HS6ST2: variants seen among roughly 807,000 people sequenced by gnomAD.
The protein encoded by HS6ST2 is heparan-sulfate 6-O-sulfotransferase 2.
Under a neutral mutation model 33.0 loss-of-function variants are expected in HS6ST2, and 17 were observed. The ratio of observed to expected loss-of-function variants is 0.52; its 90% CI spans 0.35 to 0.77. The LOEUF is 0.77. Among genes scored for constraint, HS6ST2 ranks in the 30% least tolerant of loss-of-function variants. The pLI is 0.01. For missense variants in HS6ST2, 519 were observed against 551.7 expected, an observed-to-expected ratio of 0.94 and a Z score of 0.59; for synonymous variants, 248 against 237.1, an observed-to-expected ratio of 1.05 and a Z score of -0.42.
chrX:132,850,719 A>G (rs1407571394), intron 2 of HS6ST2, among the ~76,000 whole-genome samples: 1 of 78,508 alleles, frequency 1.3e-5, no homozygotes, highest in South Asian at 5.8e-4. Context: ...AGAAAATGCT[A>G]TTTTCTACAT....
chrX:132,839,351 G>A lies in HS6ST2; in HGVS notation c.947+117457C>T, dbSNP rs1157069478. Among the ~76,000 whole-genome samples the A allele has an allele frequency of 4.1e-5, 4 of 97,633 alleles. No individual in the cohort carries two copies. The Admixed American group carries it at 4.7e-4, about 12-fold the overall frequency. The allele number at this position is 97,633 out of a possible 115,157, so 84.8% of individuals were successfully genotyped here. ...GTATGTATATACACACACACACCGT[G>A]GCATACTATGCAACCATAAAAAAGA... On this transcript the variant is annotated intron_variant, in intron 2 of 4. Coordinates refer to ENST00000370833, the MANE Select transcript of HS6ST2 (RefSeq NM_001394073.1).
At chrX:132,888,484 A>G (rs774506939) in intron 2 of HS6ST2, among the ~76,000 whole-genome samples, 5 of 111,867 alleles carry the variant, frequency 4.5e-5, no homozygotes, top group Non-Finnish European at 9.4e-5. Flanking sequence ...TGAGAGTTAC[A>G]ATTCAAGATG....
At chrX:132,723,602 A>G (rs1159250330) in intron 2 of HS6ST2, among the ~76,000 whole-genome samples, 1 of 111,995 alleles carries the variant, frequency 8.9e-6, no homozygotes, top group Non-Finnish European at 1.9e-5. Flanking sequence ...CGCTGAAAAC[A>G]CATCTCATAA....
chrX:132,637,861 AAT>A (rs1491101179), intron 4 of HS6ST2, among the ~76,000 whole-genome samples: 8 of 34,857 alleles, frequency 2.3e-4, no homozygotes, highest in East Asian at 8.1e-4. Context: ...ATATATATAT[AAT>A]ATATTATATA....
chrX:132,841,302 T>G (rs143233454), intron 2 of HS6ST2, among the ~76,000 whole-genome samples: 2,377 of 111,414 alleles, frequency 0.021, 25 homozygotes, highest in Non-Finnish European at 0.033. Context: ...TACATATTGC[T>G]TAGTTGCTGC....
At chrX:132,887,043 G>A (rs932049852) in intron 2 of HS6ST2, among the ~76,000 whole-genome samples, 7 of 110,573 alleles carry the variant, frequency 6.3e-5, no homozygotes, top group African/African-American at 1.7e-4. Flanking sequence ...GCTGAGGCAG[G>A]AGAATTGCTT....
At chrX:132,743,258 C>G (rs1053347149) in intron 2 of HS6ST2, among the ~76,000 whole-genome samples, 3 of 112,051 alleles carry the variant, frequency 2.7e-5, no homozygotes, top group African/African-American at 9.7e-5. Flanking sequence ...CACAGCAGGC[C>G]TTACAATAGG....
chrX:132,652,213 T>A (rs2148183491), intron 4 of HS6ST2, among the ~76,000 whole-genome samples: 1 of 111,691 alleles, frequency 9.0e-6, no homozygotes, highest in African/African-American at 3.3e-5. Context: ...CCAGCTCTAA[T>A]GATTCAATCT....
Position 132,708,733 on chromosome X carries a change from T to G in HS6ST2, c.948-239A>C, listed in dbSNP as rs965828002. The G allele has an allele frequency of 8.0e-5, 24 of 300,617 alleles. 1 individual carries two copies. In the Admixed American group the frequency reaches 1.2e-3, roughly 14 times the overall value. The allele number at this position is 300,617 out of a possible 1,213,427, so 24.8% of individuals were successfully genotyped here. A position where few individuals can be genotyped will look rare whatever the true frequency, so the allele number is the denominator to read the frequency against. On this transcript the variant is annotated intron_variant, in intron 2 of 4. Transcript: ENST00000370833. ...TGCACTGAGAGCCAGATCCCTGGAGTGCTGTGGTCTGGGAATGATGGATCT... is the reference window on the plus strand; with the variant it reads ...TGCACTGAGAGCCAGATCCCTGGAGGGCTGTGGTCTGGGAATGATGGATCT...
chrX:132,796,945 T>C (rs763720310), intron 2 of HS6ST2, among the ~76,000 whole-genome samples: 2 of 111,934 alleles, frequency 1.8e-5, no homozygotes, highest in South Asian at 3.8e-4. Flanking sequence ...GCTAAAATCA[T>C]ATAAAGGAAA....
At chrX:132,927,858 G>GAAAAAAA (rs752332242) in intron 2 of HS6ST2, among the ~76,000 whole-genome samples, 2 of 52,027 alleles carry the variant, frequency 3.8e-5, no homozygotes, top group African/African-American at 7.7e-5. Context: ...CCCTGTCTCA[G>GAAAAAAA]AAAAAAAAAA....
chrX:132,740,128 A>G, intron 2 of HS6ST2, among the ~76,000 whole-genome samples: 1 of 112,146 alleles, frequency 8.9e-6, no homozygotes, highest in Non-Finnish European at 1.9e-5. Context: ...AGTGTAGAAA[A>G]ACAACCATTT....
At chrX:132,676,339 G>A (rs1395885900) in intron 3 of HS6ST2, among the ~76,000 whole-genome samples, 1 of 112,047 alleles carries the variant, frequency 8.9e-6, no homozygotes, top group Non-Finnish European at 1.9e-5. Context: ...GAGAAGGCAA[G>A]CATGTTAACA....
At chrX:132,932,140 T>C (rs754233666) in intron 2 of HS6ST2, among the ~76,000 whole-genome samples, 1 of 102,551 alleles carries the variant, frequency 9.8e-6, no homozygotes, top group South Asian at 4.8e-4. Context: ...GAACCGAGAT[T>C]GCGCCACTGC....
chrX:132,776,259 G>A (rs1235964390), intron 2 of HS6ST2, among the ~76,000 whole-genome samples: 1 of 112,099 alleles, frequency 8.9e-6, no homozygotes, highest in East Asian at 2.8e-4. Flanking sequence ...CAGTTGCAAA[G>A]AGAGCTGTCT....
At chrX:132,842,914 C>A (rs2065720363) in intron 2 of HS6ST2, among the ~76,000 whole-genome samples, 1 of 112,249 alleles carries the variant, frequency 8.9e-6, no homozygotes, top group Non-Finnish European at 1.9e-5. Flanking sequence ...AGAAACCATT[C>A]TATTTCTCCA....
chrX:132,740,732 G>T lies in HS6ST2; in HGVS notation c.948-32238C>A, dbSNP rs1341634426. Among the ~76,000 whole-genome samples the T allele has an allele frequency of 5.4e-5, 6 of 110,195 alleles. No homozygotes were observed. The Admixed American group carries it at 5.8e-4, about 11-fold the overall frequency. Reference sequence around the variant, plus strand: ...ACCACTGGATGGCAATCCTCTATTGGTTAGGTAAAAAGCTCCTACCTGCCA... The same window carrying T: ...ACCACTGGATGGCAATCCTCTATTGTTTAGGTAAAAAGCTCCTACCTGCCA... On this transcript the variant is annotated intron_variant, in intron 2 of 4. Transcript: ENST00000370833.
intron 2 of HS6ST2, among the ~76,000 whole-genome samples, chrX:132,708,863 T>C (rs1323638864): frequency 8.9e-6 from 1 of 112,097 alleles, no homozygotes; most frequent in Non-Finnish European, 1.9e-5. Flanking sequence ...CCCAACCCTG[T>C]GGCATCACTG....
At chrX:132,911,092 T>C (rs774276283) in intron 2 of HS6ST2, among the ~76,000 whole-genome samples, 3 of 108,330 alleles carry the variant, frequency 2.8e-5, no homozygotes, top group Admixed American at 9.9e-5. Context: ...AGAGGTTGCA[T>C]TGAGCTGAGA....
Sources: allele counts gnomAD v4.1 joint callset (sites outside exome capture counted in the v4.1 genomes callset), GRCh38; gene constraint gnomAD v4.1.1; transcripts MANE v1.5; gene names NCBI Gene and HGNC (gene_info 2026-07-23, HGNC 2026-07-21).